The following CDKAL1 variants were observed in gnomAD, a reference collection of about 807,000 sequenced individuals.
CDKAL1 encodes the protein CDKAL1 threonylcarbamoyladenosine tRNA methylthiotransferase, also known as threonylcarbamoyladenosine tRNA methylthiotransferase.
CDKAL1 carries 32 observed loss-of-function variants against 68.2 expected under a neutral mutation model. That is an observed-to-expected ratio of 0.47 (90% confidence interval 0.35 to 0.63). The LOEUF (loss-of-function observed/expected upper bound fraction) is 0.63. Among genes scored for constraint, CDKAL1 ranks in the 30% least tolerant of loss-of-function variants. The pLI is 0.00. For missense variants in CDKAL1, 606 were observed against 696.7 expected (o/e 0.87, Z 1.47); for synonymous variants, 234 against 244.3 (o/e 0.96, Z 0.39).
At chr6:20,935,255 T>C (rs1238639462) in intron 9 of CDKAL1, among the ~76,000 whole-genome samples, 1 of 152,150 alleles carries the variant, frequency 6.6e-6, no homozygotes, top group Non-Finnish European at 1.5e-5. Context: ...TGACTTTTAA[T>C]AGCTTTGTAA....
chr6:20,697,441 G>A (rs776286456), intron 5 of CDKAL1, among the ~76,000 whole-genome samples: 1 of 151,966 alleles, frequency 6.6e-6, no homozygotes, highest in Admixed American at 6.6e-5. Context: ...AAAAGAGAAG[G>A]CCACTTTTTT....
intron 4 of CDKAL1, among the ~76,000 whole-genome samples, chr6:20,552,961 T>A (rs1159352000): frequency 6.6e-6 from 1 of 152,170 alleles, no homozygotes; most frequent in Admixed American, 6.5e-5. Context: ...TTATTATGGC[T>A]TACTAGTTGA....
At chr6:21,076,791 C>G (rs1157194859) in intron 12 of CDKAL1, among the ~76,000 whole-genome samples, 1 of 152,122 alleles carries the variant, frequency 6.6e-6, no homozygotes, top group African/African-American at 2.4e-5. Context: ...TCTTATGCAA[C>G]TTAATTGTAC....
intron 8 of CDKAL1, among the ~76,000 whole-genome samples, chr6:20,826,774 C>T (rs1777519047): frequency 6.6e-6 from 1 of 152,104 alleles, no homozygotes; most frequent in Non-Finnish European, 1.5e-5. Context: ...GATTAATCAC[C>T]TGCACTTTTC....
intron 9 of CDKAL1, among the ~76,000 whole-genome samples, chr6:20,873,512 A>G (rs1420031184): frequency 6.6e-6 from 1 of 152,202 alleles, no homozygotes; most frequent in Admixed American, 6.5e-5. Flanking sequence ...TATTTTACAA[A>G]TGAGACACAG....
At chr6:20,969,188 C>A (rs1453062965) in intron 10 of CDKAL1, among the ~76,000 whole-genome samples, 1 of 152,012 alleles carries the variant, frequency 6.6e-6, no homozygotes, top group African/African-American at 2.4e-5. Context: ...ACTTTTGACT[C>A]CTCCAAAAGT....
intron 12 of CDKAL1, among the ~76,000 whole-genome samples, chr6:21,082,249 T>C (rs933698931): frequency 1.4e-4 from 21 of 147,400 alleles, no homozygotes; most frequent in African/African-American, 4.8e-4. Context: ...CAGAGAAGTG[T>C]GGATAAGATA....
intron 5 of CDKAL1, among the ~76,000 whole-genome samples, chr6:20,700,132 A>G (rs568289458): frequency 7.3e-5 from 11 of 151,706 alleles, no homozygotes; most frequent in Non-Finnish European, 1.2e-4. Flanking sequence ...TATTTTATTT[A>G]CTAACTATCA....
At chr6:21,003,699 G>T (rs889798474) in intron 11 of CDKAL1, among the ~76,000 whole-genome samples, 1 of 152,144 alleles carries the variant, frequency 6.6e-6, no homozygotes, top group Non-Finnish European at 1.5e-5. Context: ...AAACACCAAA[G>T]TTTCAGGGCT....
At chr6:20,687,219 G>C (rs2127798930) in intron 5 of CDKAL1, among the ~76,000 whole-genome samples, 1 of 152,140 alleles carries the variant, frequency 6.6e-6, no homozygotes. Flanking sequence ...ATTTCCTCTT[G>C]ATTCTAATTT....
intron 13 of CDKAL1, among the ~76,000 whole-genome samples, chr6:21,131,293 C>G (rs1775307629): frequency 6.6e-6 from 1 of 152,152 alleles, no homozygotes; most frequent in Admixed American, 6.5e-5. Context: ...ATTTTTTAAT[C>G]ATGTCTTCTG....
chr6:21,039,855 C>G (rs1320697909), intron 11 of CDKAL1, among the ~76,000 whole-genome samples: 6 of 152,044 alleles, frequency 3.9e-5, no homozygotes, highest in Non-Finnish European at 8.8e-5. Context: ...GTCTACTATT[C>G]CATTTTTTCT....
chr6:20,843,815 G>A (rs1778268960), intron 8 of CDKAL1, among the ~76,000 whole-genome samples: 1 of 152,136 alleles, frequency 6.6e-6, no homozygotes, highest in Non-Finnish European at 1.5e-5. Context: ...TTGGTTATAG[G>A]ACAAATAAGG....
intron 5 of CDKAL1, among the ~76,000 whole-genome samples, chr6:20,687,418 TTGGTTCATTTCATC>T (rs1186424370): frequency 2.0e-5 from 3 of 152,216 alleles, no homozygotes; most frequent in Non-Finnish European, 4.4e-5. Context: ...TTTTCAAGAT[TTGGTTCATTTCATC>T]TGGGTTATGA....
chr6:20,707,594 CA>C (rs1337784684), intron 5 of CDKAL1, among the ~76,000 whole-genome samples: 1 of 152,184 alleles, frequency 6.6e-6, no homozygotes, highest in Non-Finnish European at 1.5e-5. Flanking sequence ...ATACTTTTGT[CA>C]GTGACAGAGA....
intron 15 of CDKAL1, among the ~76,000 whole-genome samples, chr6:21,201,770 T>A (rs192404597): frequency 6.6e-6 from 1 of 152,278 alleles, no homozygotes; most frequent in African/African-American, 2.4e-5. Flanking sequence ...AAATTAAACA[T>A]TTTTTTCTTT....
At chr6:20,602,729 G>T (rs1766158612) in intron 4 of CDKAL1, among the ~76,000 whole-genome samples, 1 of 152,130 alleles carries the variant, frequency 6.6e-6, no homozygotes, top group African/African-American at 2.4e-5. Flanking sequence ...TACTGATTCA[G>T]CAGCCTCACT....
chr6:20,561,446 G>GAAAAA (rs55750789), intron 4 of CDKAL1, among the ~76,000 whole-genome samples: 172 of 79,654 alleles, frequency 2.2e-3, no homozygotes, highest in South Asian at 2.8e-3. Context: ...TCTCAAAAAA[G>GAAAAA]AAAAAAAAAA....
intron 10 of CDKAL1, among the ~76,000 whole-genome samples, chr6:20,956,261 G>C (rs747401743): frequency 3.3e-5 from 5 of 152,152 alleles, no homozygotes; most frequent in Non-Finnish European, 5.9e-5. Flanking sequence ...CCCTGATTTT[G>C]TTTTTATACT....
Sources: gnomAD v4.1 joint callset for allele counts (sites outside exome capture counted in the v4.1 genomes callset) on GRCh38, gnomAD v4.1.1 for gene constraint, MANE v1.5 for transcripts, NCBI Gene and HGNC (gene_info 2026-07-23, HGNC 2026-07-21) for gene names.